The following RYK variants were observed in gnomAD, a reference collection of about 807,000 sequenced individuals.
The protein encoded by RYK is receptor like tyrosine kinase.
A neutral mutation model predicts 70.2 loss-of-function variants in RYK; 21 were observed. That is an observed-to-expected ratio of 0.30 (90% CI 0.21 to 0.43). The LOEUF (loss-of-function observed/expected upper bound fraction) is 0.43, where lower values mean the gene tolerates loss of function less well. Among genes scored for constraint, RYK ranks in the 20% least tolerant of loss-of-function variants. The probability of loss-of-function intolerance (pLI) is 1.00; values close to 1 mark genes in which losing one functional copy is unlikely to be tolerated. For missense variants in RYK, 604 were observed against 753.3 expected, an observed-to-expected ratio of 0.80 and a Z score of 2.32; for synonymous variants, 267 against 278.0, an observed-to-expected ratio of 0.96 and a Z score of 0.39.
At chr3:134,193,908 G>T (rs943397472) in intron 7 of RYK, among the ~76,000 whole-genome samples, 1 of 152,148 alleles carries the variant, frequency 6.6e-6, no homozygotes, top group Non-Finnish European at 1.5e-5. Context: ...GTGCAGCAGG[G>T]ACAGAAAAGA....
chr3:134,221,860 G>T (rs753248652), intron 2 of RYK, among the ~76,000 whole-genome samples: 5 of 152,188 alleles, frequency 3.3e-5, no homozygotes, highest in Admixed American at 1.3e-4. Context: ...GAGGGACCCA[G>T]GCAGTCAGAG....
At chr3:134,158,896 T>C (rs970142806) in intron 14 of RYK, among the ~76,000 whole-genome samples, 1 of 152,236 alleles carries the variant, frequency 6.6e-6, no homozygotes, top group African/African-American at 2.4e-5. Flanking sequence ...ATAACTACTA[T>C]GTCCTTTATA....
chr3:134,246,219 G>A lies in RYK; in HGVS notation c.232+4204C>T, dbSNP rs1371036297. On this transcript the variant is annotated intron_variant, in intron 1 of 14. Transcript: ENST00000623711. ...CACTCCTTCCAGTACAAAGAAATAC[G>A]TAAGACATGAGATTAGTTAAGAAAA... Among the ~76,000 whole-genome samples the A allele has an allele frequency of 2.7e-5, 4 of 148,162 alleles. No individual in the cohort carries two copies. The Admixed American group carries it at 2.7e-4, about 10-fold the overall frequency.
intron 2 of RYK, among the ~76,000 whole-genome samples, chr3:134,213,734 T>G (rs74684790): frequency 0.011 from 1,604 of 152,290 alleles, 35 homozygotes; most frequent in African/African-American, 0.036. Context: ...GTCGGCACTC[T>G]TTAGGATCAC....
intron 10 of RYK, chr3:134,178,738 C>G (rs1472972591): frequency 2.6e-5 from 4 of 152,186 alleles, no homozygotes; most frequent in Non-Finnish European, 5.9e-5. Context: ...CAATCCCGTT[C>G]CTATTTTAAT....
chr3:134,197,770 T>C (rs1048920925), intron 6 of RYK, among the ~76,000 whole-genome samples: 3 of 152,234 alleles, frequency 2.0e-5, no homozygotes, highest in African/African-American at 2.4e-5. Flanking sequence ...GTATGAGATA[T>C]GTGAAAGTAC....
chr3:134,165,950 G>C (rs1355679975), intron 13 of RYK, among the ~76,000 whole-genome samples: 1 of 152,170 alleles, frequency 6.6e-6, no homozygotes, highest in East Asian at 1.9e-4. Flanking sequence ...AGATTTAGAC[G>C]ACATTTAAAT....
intron 11 of RYK, among the ~76,000 whole-genome samples, 170 bp downstream of exon 11, chr3:134,177,771 A>G (rs891597178): frequency 6.6e-6 from 1 of 152,246 alleles, no homozygotes; most frequent in Non-Finnish European, 1.5e-5. Context: ...CAGGAACATA[A>G]GCCAACATTT....
At chr3:134,206,035 TAA>T (rs2014202741) in intron 5 of RYK, among the ~76,000 whole-genome samples, 1 of 152,158 alleles carries the variant, frequency 6.6e-6, no homozygotes, top group Admixed American at 6.5e-5. Context: ...CCTACTAGCA[TAA>T]AAGAAATGGG....
At chr3:134,207,154 C>A (rs1315955727) in intron 5 of RYK, among the ~76,000 whole-genome samples, 1 of 152,150 alleles carries the variant, frequency 6.6e-6, no homozygotes, top group Admixed American at 6.5e-5. Context: ...GATTTTCTAA[C>A]CCTCTGCTAA....
Position 134,209,094 on chromosome 3 carries a change from G to A in RYK, c.589+601C>T, listed in dbSNP as rs2014312107. Among the ~76,000 whole-genome samples, 2 of 152,060 alleles carry A rather than the reference G, an allele frequency of 1.3e-5. 1 individual carries two copies. The highest frequency in any genetic ancestry group is 4.1e-4 in the South Asian group (2 of 4,828). ...TGCTGGAACTCTTTCATATCCACTC[G>A]ATTTCTTCAGTAACAGATAATTCAA... On this transcript the variant is annotated intron_variant, in intron 4 of 14. Transcript: ENST00000623711.
At chr3:134,212,764 TG>T (rs1213497301) in intron 2 of RYK, among the ~76,000 whole-genome samples, 1 of 152,064 alleles carries the variant, frequency 6.6e-6, no homozygotes, top group African/African-American at 2.4e-5. Flanking sequence ...AGGGAAGGGA[TG>T]GCCCTTACGC....
chr3:134,240,574 G>C (rs112946435), intron 1 of RYK, among the ~76,000 whole-genome samples: 130 of 152,304 alleles, frequency 8.5e-4, no homozygotes, highest in African/African-American at 3.0e-3. Context: ...CTTTTCAACA[G>C]AGTGAATCTT....
chr3:134,242,142 C>G (rs968191639), intron 1 of RYK, among the ~76,000 whole-genome samples: 1 of 151,864 alleles, frequency 6.6e-6, no homozygotes, highest in African/African-American at 2.4e-5. Flanking sequence ...CCATCTCTAC[C>G]AAAAATACAA....
intron 1 of RYK, among the ~76,000 whole-genome samples, chr3:134,240,556 C>G (rs982634914): frequency 2.0e-5 from 3 of 152,086 alleles, no homozygotes; most frequent in African/African-American, 7.2e-5. Flanking sequence ...TTGTCGAAAC[C>G]TACATAACTT....
intron 1 of RYK, among the ~76,000 whole-genome samples, chr3:134,231,291 T>C (rs936674869): frequency 2.6e-5 from 4 of 152,108 alleles, no homozygotes; most frequent in Admixed American, 1.3e-4. Flanking sequence ...AATTTTATCT[T>C]ATCTGTCAAG....
intron 1 of RYK, among the ~76,000 whole-genome samples, chr3:134,245,005 A>G (rs2015425106): frequency 6.6e-6 from 1 of 152,210 alleles, no homozygotes. Context: ...CAAATCTACC[A>G]AAGCCTTGAT....
Position 134,250,708 on chromosome 3 carries a change from C to CCGCCG in RYK, c.-55_-54insCGGCG. ...CGTCGGCCGCCCGCCGCACCGCCGC[C>CCGCCG]CACCCCCGGCCCCGAGCCGCTCACA... is the stretch of plus-strand genomic sequence containing the variant. On this transcript the variant is annotated 5_prime_UTR_variant, in exon 1 of 15. Transcript: ENST00000623711. 1.1e-6 allele frequency: 1 copy of CCGCCG among 884,496 alleles called. No homozygotes were observed. The highest frequency in any genetic ancestry group is 1.8e-5 in the African/African-American group (1 of 54,902). The allele number at this position is 884,496 out of a possible 1,614,324, so 54.8% of individuals were successfully genotyped here. A position where few individuals can be genotyped will look rare whatever the true frequency, so the allele number is the denominator to read the frequency against.
chr3:134,235,228 T>C (rs1214589435), intron 1 of RYK, among the ~76,000 whole-genome samples: 1 of 151,816 alleles, frequency 6.6e-6, no homozygotes, highest in Non-Finnish European at 1.5e-5. Context: ...TTCAACTACA[T>C]AAAGAAAAAA....
Sources: gnomAD v4.1 joint callset for allele counts (sites outside exome capture counted in the v4.1 genomes callset) on GRCh38, gnomAD v4.1.1 for gene constraint, MANE v1.5 for transcripts, NCBI Gene and HGNC (gene_info 2026-07-23, HGNC 2026-07-21) for gene names.